The following ZNF407 variants were observed in gnomAD, a reference collection of about 807,000 sequenced individuals.
The protein encoded by ZNF407 is zinc finger protein 407.
In ZNF407, 17 loss-of-function variants were observed where a neutral mutation model predicts 131.2. The observed-to-expected ratio is 0.13, with a 90% CI of 0.09 to 0.19. ZNF407 has a LOEUF of 0.19. ZNF407 is among the 10% of genes least tolerant of loss of function. ZNF407 has a pLI of 1.00. For missense variants in ZNF407, 2,681 were observed against 2,830.6 expected, an observed-to-expected ratio of 0.95 and a Z score of 1.20; for synonymous variants, 1,156 against 1,062.0, an observed-to-expected ratio of 1.09 and a Z score of -1.72.
chr18:74,900,981 A>T lies in ZNF407; in HGVS notation c.5249+10943A>T, dbSNP rs116643139. ...GAGTGTGTCCTACGAGAGGAATGTGATAATAAGGATCCTGGCGGTGAAGTT... is the reference window on the plus strand; with the variant it reads ...GAGTGTGTCCTACGAGAGGAATGTGTTAATAAGGATCCTGGCGGTGAAGTT... On this transcript the variant is annotated intron_variant, in intron 7 of 8. Coordinates refer to ENST00000299687, the MANE Select transcript of ZNF407 (RefSeq NM_017757.3). 4.7e-3 allele frequency among the ~76,000 whole-genome samples: 710 copies of T among 152,284 alleles called. 6 individuals carry two copies. Among genetic ancestry groups the T allele is most frequent in the African/African-American group, 0.016 (674 of 41,542 alleles).
chr18:74,659,866 T>C (rs904707355), intron 3 of ZNF407, among the ~76,000 whole-genome samples: 14 of 152,178 alleles, frequency 9.2e-5, no homozygotes, highest in Admixed American at 5.2e-4. Flanking sequence ...GTCACTTCTG[T>C]GCATTTGGTA....
intron 4 of ZNF407, among the ~76,000 whole-genome samples, chr18:74,825,958 A>G (rs537804188): frequency 1.3e-5 from 2 of 152,324 alleles, no homozygotes; most frequent in Non-Finnish European, 2.9e-5. Flanking sequence ...ATAAGAGCTC[A>G]CCTAACCACA....
intron 4 of ZNF407, among the ~76,000 whole-genome samples, chr18:74,785,696 T>C (rs1969690116): frequency 6.6e-6 from 1 of 152,138 alleles, no homozygotes; most frequent in Non-Finnish European, 1.5e-5. Flanking sequence ...TTATGAAACA[T>C]GAAAATATCT....
rs545953822 is a variant in ZNF407, at chr18:74,918,436, C to A, written c.5250-2078C>A. ...AGAGGGTCATGCTTGCCTTCGAAGT[C>A]GCCAAGTCAGTGGAGGTACCTGGCA... On this transcript the variant is annotated intron_variant, in intron 7 of 8. Transcript: ENST00000299687. Among the ~76,000 whole-genome samples the A allele has an allele frequency of 1.5e-3, 230 of 152,300 alleles. 1 individual carries two copies. Among genetic ancestry groups the A allele is most frequent in the African/African-American group, 5.3e-3 (219 of 41,564 alleles).
At chr18:74,846,203 A>C (rs1447281118) in intron 4 of ZNF407, among the ~76,000 whole-genome samples, 1 of 152,232 alleles carries the variant, frequency 6.6e-6, no homozygotes, top group Non-Finnish European at 1.5e-5. Flanking sequence ...TCACAGAATT[A>C]GAAATTATTG....
At chr18:74,852,437 A>G (rs574283187) in intron 4 of ZNF407, among the ~76,000 whole-genome samples, 1 of 152,114 alleles carries the variant, frequency 6.6e-6, no homozygotes, top group Non-Finnish European at 1.5e-5. Context: ...TGTAAGTTAA[A>G]TTTGGAACAA....
At chr18:74,621,894 C>T (rs2144639761) in intron 1 of ZNF407, among the ~76,000 whole-genome samples, 1 of 152,264 alleles carries the variant, frequency 6.6e-6, no homozygotes, top group South Asian at 2.1e-4. Flanking sequence ...ACGTGGGTTT[C>T]CTGGACCCCA....
intron 3 of ZNF407, among the ~76,000 whole-genome samples, chr18:74,676,113 A>G (rs1986346748): frequency 1.3e-5 from 2 of 150,186 alleles, no homozygotes; most frequent in South Asian, 2.1e-4. Context: ...TTTTTTGGAG[A>G]TGGAATCTTG....
Position 75,064,420 on chromosome 18 carries a change from G to T in ZNF407, c.6699G>T (p.Ala2233=), listed in dbSNP as rs781531279. The change falls in exon 9 of 9, where the codon GCG becomes GCT. Residue 2233 remains alanine, a synonymous_variant. Coordinates refer to ENST00000299687, the MANE Select transcript of ZNF407 (RefSeq NM_017757.3). The stretch of plus-strand genomic sequence containing the variant: ...ACACCCAGGAGGGCTCCTCGGCCGC[G>T]GCGGCAATTCAGAGCCAAAGAGAAA... ...VIYTQEGSSA[A]AAIQSQRESS... 2.6e-6 allele frequency: 4 copies of T among 1,523,394 alleles called. No individual in the cohort carries two copies. Among genetic ancestry groups the T allele is most frequent in the Admixed American group, 4.4e-5 (2 of 45,116 alleles). The allele number at this position is 1,523,394 out of a possible 1,614,324, so 94.4% of individuals were successfully genotyped here.
intron 4 of ZNF407, among the ~76,000 whole-genome samples, chr18:74,835,624 AGGGG>A (rs372471246): frequency 6.2e-5 from 4 of 64,648 alleles, no homozygotes; most frequent in African/African-American, 2.4e-4. Context: ...TCTTGGACAG[AGGGG>A]GGTGTGTGTG....
chr18:75,030,150 A>G (rs1467016336), intron 8 of ZNF407, among the ~76,000 whole-genome samples: 2 of 152,232 alleles, frequency 1.3e-5, no homozygotes, highest in Admixed American at 6.5e-5. Flanking sequence ...AAGAAAAAAC[A>G]TGATCATACC....
Position 74,976,132 on chromosome 18 carries a change from G to A in ZNF407, c.5428+55440G>A, listed in dbSNP as rs1170211106. 2.0e-5 allele frequency among the ~76,000 whole-genome samples: 3 copies of A among 152,302 alleles called. No homozygotes were observed. The East Asian group carries it at 5.8e-4, about 29-fold the overall frequency. Reference sequence around the variant, plus strand: ...TGGGGCTGGTTTTTATGGAAGTAGAGCAGCTTGCATTCTTATTCCATATTG... The same window carrying A: ...TGGGGCTGGTTTTTATGGAAGTAGAACAGCTTGCATTCTTATTCCATATTG... On this transcript the variant is annotated intron_variant, in intron 8 of 8. Transcript: ENST00000299687.
chr18:75,015,776 T>G (rs1274425281), intron 8 of ZNF407, among the ~76,000 whole-genome samples: 2 of 151,870 alleles, frequency 1.3e-5, no homozygotes, highest in East Asian at 3.9e-4. Flanking sequence ...ACTAGATTTA[T>G]CACTTCAATT....
At chr18:74,627,856 G>A (rs978740444) in intron 1 of ZNF407, among the ~76,000 whole-genome samples, 6 of 15,594 alleles carry the variant, frequency 3.8e-4, no homozygotes, top group Non-Finnish European at 6.0e-4. Flanking sequence ...GCCCCGCCCC[G>A]CCCCGCCCCT....
At chr18:74,658,104 CTTTA>C (rs10641679) in intron 3 of ZNF407, among the ~76,000 whole-genome samples, 3 of 150,910 alleles carry the variant, frequency 2.0e-5, no homozygotes, top group Admixed American at 6.6e-5. Flanking sequence ...CAGCAGTTGT[CTTTA>C]TTTATTTATT....
At chr18:74,772,018 C>G (rs555270198) in intron 3 of ZNF407, among the ~76,000 whole-genome samples, 1 of 152,280 alleles carries the variant, frequency 6.6e-6, no homozygotes, top group South Asian at 2.1e-4. Flanking sequence ...AGGCTATAAT[C>G]TTTCATTAGG....
At position 74,934,496 on chromosome 18, in the gene ZNF407, G is replaced by A. The variant is rs371041230; in HGVS notation, c.5428+13804G>A. 7.2e-5 allele frequency among the ~76,000 whole-genome samples: 11 copies of A among 152,254 alleles called. 1 individual carries two copies. The South Asian group carries it at 2.3e-3, about 32-fold the overall frequency. ...AGCTAAATAAATCCTTTTGCATCTT[G>A]GAGTAAGGTTTTTGTCAATTAATCA... On this transcript the variant is annotated intron_variant, in intron 8 of 8. Transcript: ENST00000299687.
rs1984082213 is a variant in ZNF407, at chr18:74,631,547, T to A, written c.528T>A (p.Ser176Arg). Reference sequence around the variant, plus strand: ...TCCCCCCGAAAGAAATTAGTGTTAGTTGTACCATTGGGAATGTAGATACAG... The same window carrying A: ...TCCCCCCGAAAGAAATTAGTGTTAGATGTACCATTGGGAATGTAGATACAG... ...SPFPPKEISV[S>R]CTIGNVDTVL... The change falls in exon 2 of 9, where the codon AGT (serine) becomes AGA (arginine). Residue 176 changes from serine to arginine, a missense_variant. Ser to Arg is a moderately radical substitution (Grantham distance 110). Transcript: ENST00000299687. 59 of 1,613,814 alleles carry A rather than the reference T, an allele frequency of 3.7e-5. No homozygotes were observed. Among genetic ancestry groups the A allele is most frequent in the Non-Finnish European group, 5.0e-5 (59 of 1,179,910 alleles).
At chr18:74,983,037 A>T (rs1359139140) in intron 8 of ZNF407, among the ~76,000 whole-genome samples, 4 of 152,244 alleles carry the variant, frequency 2.6e-5, no homozygotes, top group African/African-American at 4.8e-5. Context: ...AACCAAGAAC[A>T]TGATGTTTTT....
Sources: allele counts gnomAD v4.1 joint callset (sites outside exome capture counted in the v4.1 genomes callset), GRCh38; gene constraint gnomAD v4.1.1; transcripts MANE v1.5; gene names NCBI Gene and HGNC (gene_info 2026-07-23, HGNC 2026-07-21).